APP: variants seen among roughly 807,000 people sequenced by gnomAD.
APP encodes amyloid-beta precursor protein.
A neutral mutation model predicts 101.4 loss-of-function variants in APP; 31 were observed. The ratio of observed to expected loss-of-function variants is 0.31; its 90% CI spans 0.23 to 0.41. APP has a LOEUF of 0.41. APP is among the 10% of genes least tolerant of loss of function. The pLI is 1.00. For missense variants in APP, 839 were observed against 1,003.7 expected (o/e 0.84, Z 2.22); for synonymous variants, 366 against 364.4 (o/e 1.00, Z -0.05).
rs1369874301 is a variant in APP at position 26,170,621 on chromosome 21, C to T, written c.-1G>A. The stretch of plus-strand genomic sequence containing the variant: ...GGAGCAGTGCCAAACCGGGCAGCAT[C>T]GCGACCCTGCGCGGGGCACCGAGTG... On this transcript the variant is annotated 5_prime_UTR_variant, in exon 1 of 18. Coordinates refer to ENST00000346798, the MANE Select transcript of APP (RefSeq NM_000484.4). 1.3e-6 allele frequency: 2 copies of T among 1,534,664 alleles called. No homozygotes were observed. Among genetic ancestry groups the T allele is most frequent in the Admixed American group, 2.0e-5 (1 of 50,816 alleles).
chr21:26,064,253 T>C (rs1227991167), intron 3 of APP, among the ~76,000 whole-genome samples: 1 of 152,148 alleles, frequency 6.6e-6, no homozygotes, highest in Non-Finnish European at 1.5e-5. Context: ...GTATAGACTT[T>C]AGTTAATAAC....
rs981297249 is a variant in APP, at chr21:25,881,297, A to C, written c.*373T>G. On this transcript the variant is annotated 3_prime_UTR_variant, in exon 18 of 18. Coordinates refer to ENST00000346798, the MANE Select transcript of APP (RefSeq NM_000484.4). Reference sequence around the variant, plus strand: ...CATCCCCCATCGATTCTTAAAGCATATGTAAAGTAGGACTTAATTGGGTCA... The same window carrying C: ...CATCCCCCATCGATTCTTAAAGCATCTGTAAAGTAGGACTTAATTGGGTCA... The C allele has an allele frequency of 3.3e-6, 1 of 300,692 alleles. No homozygotes were observed. The highest frequency in any genetic ancestry group is 6.4e-6 in the Non-Finnish European group (1 of 156,280). The allele number at this position is 300,692 out of a possible 1,614,324, so 18.6% of individuals were successfully genotyped here. A position where few individuals can be genotyped will look rare whatever the true frequency, so the allele number is the denominator to read the frequency against.
intron 3 of APP, among the ~76,000 whole-genome samples, chr21:26,063,595 C>T (rs1018565302): frequency 5.9e-5 from 9 of 151,614 alleles, no homozygotes; most frequent in Admixed American, 1.3e-4. Context: ...TAGCTAAAGC[C>T]GGAATAATTT....
At chr21:25,952,057 C>G (rs2041098966) in intron 13 of APP, among the ~76,000 whole-genome samples, 1 of 151,974 alleles carries the variant, frequency 6.6e-6, no homozygotes, top group Admixed American at 6.6e-5. Flanking sequence ...AATGGAAGCA[C>G]CCAGGATTCC....
intron 3 of APP, among the ~76,000 whole-genome samples, chr21:26,084,323 C>T (rs1405723256): frequency 1.3e-5 from 2 of 149,852 alleles, no homozygotes; most frequent in African/African-American, 4.9e-5. Flanking sequence ...ACGGCAAGCT[C>T]CGCCTCCCGG....
chr21:26,029,763 C>T (rs2146815910), intron 5 of APP, among the ~76,000 whole-genome samples: 2 of 152,148 alleles, frequency 1.3e-5, no homozygotes, highest in East Asian at 3.9e-4. Context: ...TAAGGGTGGG[C>T]TTTGCATTTT....
At chr21:26,052,873 T>C (rs144915599) in intron 4 of APP, among the ~76,000 whole-genome samples, 2 of 152,326 alleles carry the variant, frequency 1.3e-5, no homozygotes, top group East Asian at 3.9e-4. Flanking sequence ...TTAGAGATTA[T>C]ATTTTTAAGT....
intron 1 of APP, among the ~76,000 whole-genome samples, chr21:26,129,125 A>C (rs2062741076): frequency 6.6e-6 from 1 of 152,174 alleles, no homozygotes; most frequent in African/African-American, 2.4e-5. Context: ...AGCATTCAGA[A>C]AATGCCAAAA....
chr21:25,909,206 T>G (rs1255777574), intron 14 of APP, among the ~76,000 whole-genome samples: 1 of 140,942 alleles, frequency 7.1e-6, no homozygotes, highest in African/African-American at 2.7e-5. Flanking sequence ...GAGTTTGCAG[T>G]GAGCTGAGAT....
intron 13 of APP, chr21:25,945,717 G>C (rs1486323357): frequency 6.2e-6 from 2 of 322,668 alleles, no homozygotes; most frequent in African/African-American, 2.2e-5. Context: ...TCCTTTTTTT[G>C]AGACAGGGTC....
intron 13 of APP, among the ~76,000 whole-genome samples, chr21:25,930,593 T>C (rs2040103449): frequency 6.6e-6 from 1 of 151,570 alleles, no homozygotes; most frequent in African/African-American, 2.4e-5. Flanking sequence ...AAATTATATA[T>C]ATATATATAT....
At chr21:26,103,601 AAAAAAG>A (rs2062113403) in intron 2 of APP, among the ~76,000 whole-genome samples, 1 of 152,200 alleles carries the variant, frequency 6.6e-6, no homozygotes, top group South Asian at 2.1e-4. Flanking sequence ...ATCCCGTCAA[AAAAAAG>A]AAAAAGAAAA....
intron 13 of APP, among the ~76,000 whole-genome samples, chr21:25,921,084 C>A (rs1255415243): frequency 1.4e-5 from 2 of 144,908 alleles, no homozygotes; most frequent in Non-Finnish European, 3.0e-5. Flanking sequence ...TCACTCAAAG[C>A]CGCTCAACTA....
intron 1 of APP, among the ~76,000 whole-genome samples, chr21:26,157,065 C>T (rs2063389961): frequency 6.6e-6 from 1 of 152,016 alleles, no homozygotes; most frequent in African/African-American, 2.4e-5. Flanking sequence ...AATAATGTAG[C>T]TTTTTGATTA....
intron 1 of APP, among the ~76,000 whole-genome samples, chr21:26,141,336 A>AT (rs1396355005): frequency 1.3e-5 from 2 of 152,140 alleles, no homozygotes; most frequent in East Asian, 1.9e-4. Context: ...CAGTTTCTTG[A>AT]TTTTTCCCTA....
intron 6 of APP, among the ~76,000 whole-genome samples, chr21:26,000,705 TA>T (rs2043255238): frequency 6.6e-6 from 1 of 152,182 alleles, no homozygotes; most frequent in Non-Finnish European, 1.5e-5. Context: ...CCATTGACTT[TA>T]TCTGGAAACA....
chr21:25,894,215 A>G (rs907573840), intron 16 of APP, among the ~76,000 whole-genome samples: 1 of 152,352 alleles, frequency 6.6e-6, no homozygotes, highest in African/African-American at 2.4e-5. Flanking sequence ...GGACAGGTAC[A>G]GGGAGATTAC....
chr21:26,123,724 A>G (rs2062622806), intron 1 of APP, among the ~76,000 whole-genome samples: 1 of 152,200 alleles, frequency 6.6e-6, no homozygotes, highest in African/African-American at 2.4e-5. Flanking sequence ...TTTATAAAAA[A>G]TTGTTGCCGA....
At position 26,117,144 on chromosome 21, in the gene APP, AAAAT is replaced by A. The variant is rs1285005526; in HGVS notation, c.58-5002_58-4999del. Among the ~76,000 whole-genome samples, 8 of 152,340 alleles carry A rather than the reference AAAAT, an allele frequency of 5.3e-5. No homozygotes were observed. The South Asian group carries it at 1.7e-3, about 32-fold the overall frequency. ...AGTGATCCTCCTGCCTCGGCCTCCC[AAAAT>A]GTTGGGATTACAGGCATGAGCCACT... is the stretch of plus-strand genomic sequence containing the variant. On this transcript the variant is annotated intron_variant, in intron 1 of 17. Transcript: ENST00000346798.
Sources: allele counts gnomAD v4.1 joint callset (sites outside exome capture counted in the v4.1 genomes callset), GRCh38; gene constraint gnomAD v4.1.1; transcripts MANE v1.5; gene names NCBI Gene and HGNC (gene_info 2026-07-23, HGNC 2026-07-21).